ZNF423: variants seen among roughly 807,000 people sequenced by gnomAD.
ZNF423 encodes the protein zinc finger protein 423.
ZNF423 carries 12 observed loss-of-function variants against 95.8 expected under a neutral mutation model. The ratio of observed to expected loss-of-function variants is 0.13; its 90% CI spans 0.08 to 0.20. The LOEUF is 0.20. Ranked by LOEUF, ZNF423 falls within the 10% of genes least tolerant of loss-of-function variation. The probability of loss-of-function intolerance (pLI) is 1.00; values close to 1 mark genes in which losing one functional copy is unlikely to be tolerated. For synonymous variants in ZNF423, 749 were observed against 711.9 expected, an observed-to-expected ratio of 1.05 and a Z score of -0.83; for missense variants, 1,316 against 1,737.1, an observed-to-expected ratio of 0.76 and a Z score of 4.31.
At chr16:49,798,795 C>T (rs1321527901) in intron 1 of ZNF423, among the ~76,000 whole-genome samples, 2 of 152,202 alleles carry the variant, frequency 1.3e-5, no homozygotes, top group Non-Finnish European at 2.9e-5. Context: ...CACGCTACTA[C>T]AGACTCCTCA....
At chr16:49,746,502 G>C (rs1049293375) in intron 2 of ZNF423, among the ~76,000 whole-genome samples, 1 of 152,040 alleles carries the variant, frequency 6.6e-6, no homozygotes, top group Middle Eastern at 3.2e-3. Context: ...TTTTGAGACA[G>C]AATCTTGCTC....
At chr16:49,572,786 A>T (rs1970391956) in intron 5 of ZNF423, among the ~76,000 whole-genome samples, 1 of 152,204 alleles carries the variant, frequency 6.6e-6, no homozygotes, top group African/African-American at 2.4e-5. Context: ...CACAGTGCAC[A>T]CTGGAGAGGG....
At chr16:49,540,527 C>T (rs1425206194) in intron 5 of ZNF423, among the ~76,000 whole-genome samples, 1 of 152,040 alleles carries the variant, frequency 6.6e-6, no homozygotes, top group Non-Finnish European at 1.5e-5. Flanking sequence ...GCAATCCTTT[C>T]ACCTCGGCCT....
intron 5 of ZNF423, among the ~76,000 whole-genome samples, chr16:49,570,897 T>C (rs1970334024): frequency 6.6e-6 from 1 of 152,166 alleles, no homozygotes; most frequent in African/African-American, 2.4e-5. Flanking sequence ...TAGGGCCCCA[T>C]TGCCACCCTC....
chr16:49,810,121 C>G (rs1314183899), intron 1 of ZNF423, among the ~76,000 whole-genome samples: 1 of 152,108 alleles, frequency 6.6e-6, no homozygotes, highest in Admixed American at 6.5e-5. Flanking sequence ...CCCCAGAGGT[C>G]CAGGGTGGTC....
intron 3 of ZNF423, among the ~76,000 whole-genome samples, chr16:49,718,403 C>G (rs1687223312): frequency 1.3e-5 from 2 of 152,094 alleles, no homozygotes; most frequent in South Asian, 4.1e-4. Flanking sequence ...GATACTCTGT[C>G]TCAAAAATAA....
chr16:49,736,714 C>T (rs1474325216), intron 2 of ZNF423, among the ~76,000 whole-genome samples: 1 of 152,150 alleles, frequency 6.6e-6, no homozygotes, highest in African/African-American at 2.4e-5. Flanking sequence ...AGGATCGTTT[C>T]AGCCCAGGAG....
In ZNF423 at chr16:49,491,237, C is replaced by T. The variant is rs1339400186; in HGVS notation, c.*38G>A. On this transcript the variant is annotated 3_prime_UTR_variant, in exon 8 of 8. Coordinates refer to ENST00000563137, the MANE Select transcript of ZNF423 (RefSeq NM_001379286.1). ...ATGGCCCTCCCCACGGCGTCTCCGG[C>T]AAGCCTTCTGCGGAGAGGTGTCCTG... 1 of 1,613,784 alleles carries T rather than the reference C, an allele frequency of 6.2e-7. No individual in the cohort carries two copies. The highest frequency in any genetic ancestry group is 8.5e-7 in the Non-Finnish European group (1 of 1,179,902).
At chr16:49,704,529 C>G (rs529024242) in intron 3 of ZNF423, among the ~76,000 whole-genome samples, 39 of 152,214 alleles carry the variant, frequency 2.6e-4, no homozygotes, top group Non-Finnish European at 4.1e-4. Flanking sequence ...ACCCTCACCC[C>G]CAAGACTGTG....
intron 2 of ZNF423, among the ~76,000 whole-genome samples, chr16:49,743,269 C>G (rs531313305): frequency 1.4e-4 from 21 of 152,326 alleles, no homozygotes; most frequent in Admixed American, 4.6e-4. Context: ...CTCAGTGAAT[C>G]TGCACCCCCA....
At chr16:49,668,858 G>C (rs2030667531) in intron 3 of ZNF423, among the ~76,000 whole-genome samples, 2 of 152,166 alleles carry the variant, frequency 1.3e-5, no homozygotes, top group South Asian at 2.1e-4. Context: ...CCTGGGACAA[G>C]TGACCTCCCC....
intron 3 of ZNF423, among the ~76,000 whole-genome samples, chr16:49,690,632 A>G (rs1042975848): frequency 6.6e-6 from 1 of 152,216 alleles, no homozygotes; most frequent in Admixed American, 6.5e-5. Context: ...CCCCTTGCAG[A>G]GAAAGTACTG....
At chr16:49,668,707 G>A (rs562558787) in intron 3 of ZNF423, among the ~76,000 whole-genome samples, 29 of 152,210 alleles carry the variant, frequency 1.9e-4, no homozygotes, top group African/African-American at 6.3e-4. Context: ...ACCCACTAAC[G>A]CTGCAGACCC....
intron 2 of ZNF423, among the ~76,000 whole-genome samples, chr16:49,750,995 C>G (rs1173499668): frequency 6.6e-6 from 1 of 152,054 alleles, no homozygotes; most frequent in African/African-American, 2.4e-5. Context: ...GACAGAGGCC[C>G]GACGGCGACG....
intron 1 of ZNF423, among the ~76,000 whole-genome samples, chr16:49,836,337 G>A (rs780875985): frequency 1.3e-5 from 2 of 151,964 alleles, no homozygotes; most frequent in East Asian, 1.9e-4. Context: ...TCTCCCAAGT[G>A]AGCCTCAGGA....
intron 4 of ZNF423, among the ~76,000 whole-genome samples, chr16:49,626,578 A>G (rs539801012): frequency 7.7e-4 from 117 of 151,704 alleles, no homozygotes; most frequent in Non-Finnish European, 9.4e-4. Context: ...ATCCATCCAA[A>G]CATCCACCCA....
At chr16:49,618,434 G>A (rs921824134) in intron 5 of ZNF423, among the ~76,000 whole-genome samples, 1 of 152,162 alleles carries the variant, frequency 6.6e-6, no homozygotes, top group Non-Finnish European at 1.5e-5. Context: ...AGAGAGGAAG[G>A]TGATTGGATC....
chr16:49,491,185 G>A lies in ZNF423; in HGVS notation c.*90C>T. The A allele has an allele frequency of 6.6e-7, 1 of 1,522,518 alleles. No individual in the cohort carries two copies. Among genetic ancestry groups the A allele is most frequent in the Non-Finnish European group, 9.1e-7 (1 of 1,097,970 alleles). 94.3% of individuals were successfully genotyped at this position (1,522,518 alleles called of 1,614,324 possible). A position where few individuals can be genotyped will look rare whatever the true frequency, so the allele number is the denominator to read the frequency against. On this transcript the variant is annotated 3_prime_UTR_variant, in exon 8 of 8. Transcript: ENST00000563137. ...AGAGTTTTACATCTGGGTTGCAAAT[G>A]ACACTTTGATTGGATGTAATGTTCA...
At position 49,571,205 on chromosome 16, in the gene ZNF423, C is replaced by CT. The variant is rs1005957287; in HGVS notation, c.3602-45712dup. 9.2e-5 allele frequency among the ~76,000 whole-genome samples: 14 copies of CT among 151,502 alleles called. No homozygotes were observed. In the South Asian group the frequency reaches 1.3e-3, roughly 14 times the overall value. On this transcript the variant is annotated intron_variant, in intron 5 of 7. Transcript: ENST00000563137. Reference sequence around the variant, plus strand: ...TATCTACTAAGCACCTACCTTGTATCTTTTTTTTTAATCCATTTATTCATT... The same window carrying CT: ...TATCTACTAAGCACCTACCTTGTATCTTTTTTTTTTAATCCATTTATTCATT...
Sources: gnomAD v4.1 joint callset for allele counts (sites outside exome capture counted in the v4.1 genomes callset) on GRCh38, gnomAD v4.1.1 for gene constraint, MANE v1.5 for transcripts, NCBI Gene and HGNC (gene_info 2026-07-23, HGNC 2026-07-21) for gene names.